Variants in DNAH14 observed in about 807,000 individuals in gnomAD.
DNAH14 encodes dynein axonemal heavy chain 14.
A neutral mutation model predicts 520.9 loss-of-function variants in DNAH14; 478 were observed. That is an observed-to-expected ratio of 0.92 (90% CI 0.85 to 0.99). DNAH14 has a LOEUF of 0.99. DNAH14 is among the 50% of genes least tolerant of loss of function. The probability of loss-of-function intolerance (pLI) is 0.00; values close to 1 mark genes in which losing one functional copy is unlikely to be tolerated. For synonymous variants in DNAH14, 1,581 were observed against 1,757.2 expected, an observed-to-expected ratio of 0.90 and a Z score of 2.51; for missense variants, 4,831 against 5,234.5, an observed-to-expected ratio of 0.92 and a Z score of 2.38.
intron 76 of DNAH14, among the ~76,000 whole-genome samples, chr1:225,367,008 TACACACACAC>T (rs111814272): frequency 0.45 from 66,532 of 149,318 alleles, 15,918 homozygotes; most frequent in Middle Eastern, 0.59. Flanking sequence ...CTCATGTTCA[TACACACACAC>T]ACACACACAC....
intron 1 of DNAH14, among the ~76,000 whole-genome samples, chr1:224,941,220 G>A (rs956155796): frequency 2.2e-4 from 34 of 152,218 alleles, no homozygotes; most frequent in African/African-American, 8.2e-4. Context: ...TCTAACTGGT[G>A]TGAGATGGTA....
chr1:224,942,417 G>A (rs1487249678), intron 1 of DNAH14, among the ~76,000 whole-genome samples: 3 of 152,096 alleles, frequency 2.0e-5, no homozygotes. Flanking sequence ...GAGACGATGG[G>A]GTTTTCTAGA....
At chr1:225,377,193 T>C in intron 78 of DNAH14, 44 bp from the exon 79 acceptor site, 1 of 1,377,098 alleles carries the variant, frequency 7.3e-7, no homozygotes, top group South Asian at 1.8e-5. Flanking sequence ...TGTTCAGAAG[T>C]AGCAGGATTG....
At chr1:225,194,947 TG>T (rs1383525734) in intron 38 of DNAH14, among the ~76,000 whole-genome samples, 3 of 151,932 alleles carry the variant, frequency 2.0e-5, no homozygotes, top group African/African-American at 4.8e-5. Flanking sequence ...AAAATGCAAA[TG>T]AAAATCACAA....
chr1:225,204,936 G>T (rs1037626907), intron 39 of DNAH14, among the ~76,000 whole-genome samples: 2 of 152,150 alleles, frequency 1.3e-5, no homozygotes, highest in African/African-American at 2.4e-5. Context: ...TTCCTTCATG[G>T]GACTTTGAGG....
intron 17 of DNAH14, among the ~76,000 whole-genome samples, chr1:225,059,899 G>C (rs557588088): frequency 1.1e-4 from 17 of 152,370 alleles, no homozygotes; most frequent in South Asian, 6.2e-4. Context: ...GAGACCAGCT[G>C]TTAGTGTGAT....
At chr1:225,296,141 G>A (rs1465026188) in intron 55 of DNAH14, among the ~76,000 whole-genome samples, 1 of 152,076 alleles carries the variant, frequency 6.6e-6, no homozygotes, top group Non-Finnish European at 1.5e-5. Context: ...TACAAGTGTG[G>A]TGAATTTCTT....
chr1:225,140,619 A>C (rs2079356144), intron 27 of DNAH14, 149 bp from the exon 28 acceptor site: 1 of 624,662 alleles, frequency 1.6e-6, no homozygotes, highest in Non-Finnish European at 2.6e-6. Flanking sequence ...CCTCAAATAC[A>C]CACAAATGTG....
At chr1:225,200,847 T>C (rs535063613) in intron 38 of DNAH14, among the ~76,000 whole-genome samples, 44 of 152,270 alleles carry the variant, frequency 2.9e-4, no homozygotes, top group African/African-American at 1.0e-3. Flanking sequence ...CGATGATCTT[T>C]TTGCAATGAA....
At chr1:225,377,684 T>C (rs2095719144) in intron 79 of DNAH14, among the ~76,000 whole-genome samples, 1 of 152,088 alleles carries the variant, frequency 6.6e-6, no homozygotes, top group Admixed American at 6.5e-5. Context: ...AAAAAAAAAT[T>C]CATTTGAAGA....
rs761906810 is a variant in DNAH14 at position 225,331,434 on chromosome 1, C to T, written c.9724-3C>T. 6.5e-6 allele frequency: 10 copies of T among 1,548,286 alleles called. No individual in the cohort carries two copies. Among genetic ancestry groups the T allele is most frequent in the Non-Finnish European group, 8.7e-6 (10 of 1,145,608 alleles). On this transcript the variant is annotated splice_region_variant and splice_polypyrimidine_tract_variant and intron_variant, in intron 64 of 85. Transcript: ENST00000682510. Reference sequence around the variant, plus strand: ...TCTCAATAATGAATTAATTATCTTTCAGGTTGAAGAACATTTGCTGTTTTT... The same window carrying T: ...TCTCAATAATGAATTAATTATCTTTTAGGTTGAAGAACATTTGCTGTTTTT...
chr1:225,313,694 A>G (rs1448924312), intron 60 of DNAH14, among the ~76,000 whole-genome samples: 1 of 152,024 alleles, frequency 6.6e-6, no homozygotes, highest in Non-Finnish European at 1.5e-5. Flanking sequence ...TCATTTCATT[A>G]TTTACCCAGT....
At chr1:225,361,125 CT>C (rs1238840098) in intron 75 of DNAH14, among the ~76,000 whole-genome samples, 1 of 152,148 alleles carries the variant, frequency 6.6e-6, no homozygotes, top group Non-Finnish European at 1.5e-5. Context: ...TGTTCTCTGT[CT>C]TGTTTATCAC....
intron 22 of DNAH14, 73 bp downstream of exon 22, chr1:225,097,312 G>A: frequency 7.3e-7 from 1 of 1,367,106 alleles, no homozygotes; most frequent in South Asian, 1.6e-5. Flanking sequence ...TAATTCTTGA[G>A]AAATCATTTC....
intron 10 of DNAH14, among the ~76,000 whole-genome samples, chr1:225,023,402 T>C (rs2065867409): frequency 6.6e-6 from 1 of 151,858 alleles, no homozygotes; most frequent in Non-Finnish European, 1.5e-5. Flanking sequence ...TTCTGGCTTC[T>C]TTAGTATTAC....
intron 81 of DNAH14, among the ~76,000 whole-genome samples, chr1:225,383,626 T>G (rs2095805191): frequency 6.6e-6 from 1 of 152,146 alleles, no homozygotes; most frequent in Admixed American, 6.5e-5. Context: ...AACTAGCACA[T>G]TCAGAGACGA....
At chr1:225,106,059 A>T (rs9919177) in intron 23 of DNAH14, among the ~76,000 whole-genome samples, 20,799 of 125,488 alleles carry the variant, frequency 0.17, 3,047 homozygotes, top group African/African-American at 0.4. Context: ...CTTCAGGAGC[A>T]CTTTTAGGGC....
At chr1:225,196,823 T>C (rs146987983) in intron 38 of DNAH14, among the ~76,000 whole-genome samples, 4,018 of 152,136 alleles carry the variant, frequency 0.026, 156 homozygotes, top group African/African-American at 0.08. Context: ...TTGAGAATTG[T>C]CTATTCATAT....
intron 77 of DNAH14, among the ~76,000 whole-genome samples, chr1:225,373,880 C>G (rs1251541258): frequency 6.6e-6 from 1 of 151,640 alleles, no homozygotes; most frequent in Non-Finnish European, 1.5e-5. Context: ...AATCTCAGCA[C>G]TTTGGGAGGC....
Sources: gnomAD v4.1 joint callset for allele counts (sites outside exome capture counted in the v4.1 genomes callset) on GRCh38, gnomAD v4.1.1 for gene constraint, MANE v1.5 for transcripts, NCBI Gene and HGNC (gene_info 2026-07-23, HGNC 2026-07-21) for gene names.